Variants in MAGED1 observed in about 807,000 individuals in gnomAD.
The protein encoded by MAGED1 is melanoma-associated antigen D1.
In MAGED1, 3 loss-of-function variants were observed where a neutral mutation model predicts 54.1. The ratio of observed to expected loss-of-function variants is 0.06; its 90% CI spans 0.03 to 0.14. MAGED1 has a LOEUF of 0.14. Among genes scored for constraint, MAGED1 ranks in the 10% least tolerant of loss-of-function variants. The probability of loss-of-function intolerance (pLI) is 1.00; values close to 1 mark genes in which losing one functional copy is unlikely to be tolerated. For synonymous variants in MAGED1, 217 were observed against 227.3 expected (o/e 0.95, Z 0.41); for missense variants, 485 against 623.4 (o/e 0.78, Z 2.36).
chrX:51,895,874 G>A, intron 3 of MAGED1, 114 bp downstream of exon 3: 2 of 578,755 alleles, frequency 3.5e-6, no homozygotes, highest in South Asian at 3.4e-5. Context: ...AGGCTATAGG[G>A]CATTTGAAGA....
At chrX:51,852,175 G>A (rs1257727550) in intron 1 of MAGED1, among the ~76,000 whole-genome samples, 1 of 111,507 alleles carries the variant, frequency 9.0e-6, no homozygotes, top group Non-Finnish European at 1.9e-5. Flanking sequence ...TAACAGCAAA[G>A]CATTTTCAGC....
At chrX:51,882,297 C>T (rs2147002870) in intron 1 of MAGED1, among the ~76,000 whole-genome samples, 1 of 111,167 alleles carries the variant, frequency 9.0e-6, no homozygotes, top group South Asian at 3.8e-4. Context: ...ATTTCTTTTT[C>T]TTATAGTGTG....
At position 51,859,821 on chromosome X, in the gene MAGED1, T is replaced by G. The variant is rs782450269; in HGVS notation, c.-36-34448T>G. 6.3e-5 allele frequency among the ~76,000 whole-genome samples: 7 copies of G among 111,046 alleles called. No individual in the cohort carries two copies. In the East Asian group the frequency reaches 2.0e-3, roughly 31 times the overall value. The stretch of plus-strand genomic sequence containing the variant: ...GGAAGAAGATGCTATGCTGCTGGCT[T>G]TGAATTTGGAGAAAGGAGCCATGAA... On this transcript the variant is annotated intron_variant, in intron 1 of 12. Coordinates refer to the MAGED1 transcript ENST00000375772.
intron 1 of MAGED1, among the ~76,000 whole-genome samples, chrX:51,815,666 C>T (rs782773729): frequency 2.9e-4 from 32 of 109,082 alleles, no homozygotes; most frequent in African/African-American, 9.7e-4. Flanking sequence ...GGATTTTAGG[C>T]GTGTGCCACC....
chrX:51,819,101 G>A (rs1569555446), intron 1 of MAGED1, among the ~76,000 whole-genome samples: 1 of 111,629 alleles, frequency 9.0e-6, no homozygotes, highest in Non-Finnish European at 1.9e-5. Context: ...TCAGTCATTA[G>A]ACAAACATCA....
chrX:51,806,107 G>A (rs868948331), intron 1 of MAGED1, among the ~76,000 whole-genome samples: 1 of 107,316 alleles, frequency 9.3e-6, no homozygotes, highest in African/African-American at 3.4e-5. Flanking sequence ...CCGAGTAGCT[G>A]GGATTACAGG....
chrX:51,834,019 A>G (rs1926160368), intron 1 of MAGED1, among the ~76,000 whole-genome samples: 1 of 111,825 alleles, frequency 8.9e-6, no homozygotes, highest in South Asian at 3.7e-4. Context: ...GCTTTTTTGA[A>G]CATTATATGG....
chrX:51,877,359 A>G (rs1557362110), intron 1 of MAGED1, among the ~76,000 whole-genome samples: 1 of 111,764 alleles, frequency 8.9e-6, no homozygotes, highest in East Asian at 2.8e-4. Flanking sequence ...TCAAAATGGC[A>G]AAGATATTTT....
At chrX:51,815,609 G>A (rs1395382902) in intron 1 of MAGED1, among the ~76,000 whole-genome samples, 3 of 107,766 alleles carry the variant, frequency 2.8e-5, no homozygotes, top group African/African-American at 1.0e-4. Context: ...TGTAACCTCC[G>A]CCTCCCGGGT....
intron 2 of MAGED1, chrX:51,894,685 TC>T (rs782335472): frequency 1.8e-6 from 2 of 1,099,307 alleles, no homozygotes; most frequent in African/African-American, 5.2e-5. Context: ...GCCTCCACCC[TC>T]CCTCTTTCTG....
chrX:51,808,479 T>G (rs782404704), intron 1 of MAGED1, among the ~76,000 whole-genome samples: 1 of 111,505 alleles, frequency 9.0e-6, no homozygotes, highest in South Asian at 3.8e-4. Flanking sequence ...GAGGCCGAGG[T>G]GGGAGGACAA....
upstream of MAGED1, among the ~76,000 whole-genome samples, chrX:51,888,589 T>TA (rs1334441315): frequency 8.9e-6 from 1 of 112,169 alleles, no homozygotes; most frequent in Non-Finnish European, 1.9e-5. Flanking sequence ...GCACTTACTA[T>TA]ATACCCCAAC....
chrX:51,900,126 A>G, intron 10 of MAGED1, 56 bp from the exon 11 acceptor site: 1 of 730,533 alleles, frequency 1.4e-6, no homozygotes, highest in Non-Finnish European at 2.1e-6. Context: ...ATTTTTCATT[A>G]GTGGACTACC....
At chrX:51,873,045 CAAA>C (rs33935618) in intron 1 of MAGED1, among the ~76,000 whole-genome samples, 21 of 103,100 alleles carry the variant, frequency 2.0e-4, no homozygotes, top group Middle Eastern at 5.0e-3. Flanking sequence ...CTTTCATTGT[CAAA>C]AAAAAAAAAA....
chrX:51,894,805 A>G (rs1928647395), intron 2 of MAGED1: 3 of 1,137,862 alleles, frequency 2.6e-6, no homozygotes, highest in Non-Finnish European at 3.5e-6. Flanking sequence ...GTTCGTGCCC[A>G]CTTTCCGCAT....
intron 1 of MAGED1, among the ~76,000 whole-genome samples, chrX:51,842,852 AT>A (rs781996272): frequency 3.3e-3 from 319 of 96,920 alleles, no homozygotes; most frequent in African/African-American, 3.4e-3. Flanking sequence ...TGGCTGGCTA[AT>A]TTTTTTTTTT....
At chrX:51,806,601 T>G (rs1925044487) in intron 1 of MAGED1, among the ~76,000 whole-genome samples, 2 of 111,742 alleles carry the variant, frequency 1.8e-5, no homozygotes, top group South Asian at 7.5e-4. Context: ...TTTTGTTGTT[T>G]TCATTTTCAG....
chrX:51,843,937 TAGTGAGGGCCCAGAAGG>T (rs1186377193), intron 1 of MAGED1, among the ~76,000 whole-genome samples: 1 of 111,770 alleles, frequency 8.9e-6, no homozygotes, highest in African/African-American at 3.2e-5. Flanking sequence ...AACATTCTAA[TAGTGAGGGCCCAGAAGG>T]AAGTGAGGCA....
At chrX:51,900,704 A>G (rs782514728) in intron 11 of MAGED1, among the ~76,000 whole-genome samples, 7 of 111,573 alleles carry the variant, frequency 6.3e-5, no homozygotes, top group African/African-American at 2.3e-4. Context: ...ATCTTGGCTC[A>G]CTGCAACCTC....
Sources: allele counts gnomAD v4.1 joint callset (sites outside exome capture counted in the v4.1 genomes callset), GRCh38; gene constraint gnomAD v4.1.1; transcripts MANE v1.5; gene names NCBI Gene and HGNC (gene_info 2026-07-23, HGNC 2026-07-21).